The following UBE2Q2 variants were observed in gnomAD, a reference collection of about 807,000 sequenced individuals.
The protein encoded by UBE2Q2 is ubiquitin-conjugating enzyme E2 Q2.
In UBE2Q2, 54 loss-of-function variants were observed where a neutral mutation model predicts 59.9. The ratio of observed to expected loss-of-function variants is 0.90; its 90% confidence interval spans 0.72 to 1.13. The LOEUF (loss-of-function observed/expected upper bound fraction) is 1.13. Ranked by LOEUF, UBE2Q2 falls within the 50% of genes most tolerant of loss-of-function variation. The probability of loss-of-function intolerance (pLI) is 0.00; values close to 1 mark genes in which losing one functional copy is unlikely to be tolerated. For synonymous variants in UBE2Q2, 165 were observed against 155.2 expected, an observed-to-expected ratio of 1.06 and a Z score of -0.47; for missense variants, 433 against 441.9, an observed-to-expected ratio of 0.98 and a Z score of 0.18.
chr15:75,868,808 A>G, intron 3 of UBE2Q2, 143 bp from the exon 4 acceptor site: 1 of 588,638 alleles, frequency 1.7e-6, no homozygotes, highest in Non-Finnish European at 3.0e-6. Flanking sequence ...GGATTTAAAG[A>G]TAAACATTTT....
intron 8 of UBE2Q2, 27 bp downstream of exon 8, chr15:75,879,215 A>G (rs1898259166): frequency 2.2e-6 from 3 of 1,362,580 alleles, no homozygotes; most frequent in South Asian, 1.3e-5. Context: ...AGGACCCCAT[A>G]TACTTCCAGT....
In UBE2Q2 at chr15:75,843,673, G is replaced by A. The variant is rs567264121; in HGVS notation, c.7G>A (p.Val3Met). The change falls in exon 1 of 13, where the codon GTG (valine) becomes ATG (methionine). Residue 3 changes from valine (V) to methionine (M), a missense_variant. Coordinates refer to ENST00000267938, the MANE Select transcript of UBE2Q2 (RefSeq NM_173469.4). Reference protein sequence around the residue: MSVSGLKAELKFL... With the variant: MSMSGLKAELKFL... ...CGCCGGAGATGAGGGGAAGATGTCC[G>A]TGTCAGGGCTCAAGGCCGAGCTGAA... 29 of 1,601,994 alleles carry A rather than the reference G, an allele frequency of 1.8e-5. No homozygotes were observed. The highest frequency in any genetic ancestry group is 2.3e-5 in the East Asian group (1 of 42,962).
chr15:75,854,855 C>T (rs1273189971), intron 2 of UBE2Q2, among the ~76,000 whole-genome samples: 1 of 151,954 alleles, frequency 6.6e-6, no homozygotes, highest in Admixed American at 6.6e-5. Context: ...GAGGGAATTG[C>T]CTTTTCTTTC....
intron 11 of UBE2Q2, among the ~76,000 whole-genome samples, chr15:75,891,350 A>G (rs1899094934): frequency 1.3e-5 from 2 of 152,148 alleles, no homozygotes; most frequent in South Asian, 4.1e-4. Context: ...AGTAAATTAA[A>G]AATTATATGT....
intron 9 of UBE2Q2, among the ~76,000 whole-genome samples, chr15:75,885,266 C>T (rs912639571): frequency 4.0e-5 from 6 of 151,876 alleles, no homozygotes; most frequent in Middle Eastern, 3.2e-3. Context: ...TACAGGCGTG[C>T]GCCACCATGT....
intron 2 of UBE2Q2, among the ~76,000 whole-genome samples, chr15:75,855,941 A>G (rs1318603509): frequency 1.3e-5 from 2 of 152,128 alleles, no homozygotes; most frequent in Admixed American, 1.3e-4. Context: ...TAATTCCAGA[A>G]CTTTGGGATG....
chr15:75,875,837 A>G (rs886662069), intron 5 of UBE2Q2, among the ~76,000 whole-genome samples: 5 of 152,000 alleles, frequency 3.3e-5, no homozygotes, highest in Non-Finnish European at 4.4e-5. Flanking sequence ...CGAGGCAGGC[A>G]GACCACGAGG....
intron 9 of UBE2Q2, among the ~76,000 whole-genome samples, chr15:75,889,387 G>A (rs1898967108): frequency 6.6e-6 from 1 of 152,100 alleles, no homozygotes; most frequent in African/African-American, 2.4e-5. Context: ...ATTAAATATT[G>A]TCACTGTAAC....
At chr15:75,870,629 G>C (rs1428297380) in intron 4 of UBE2Q2, among the ~76,000 whole-genome samples, 1 of 152,176 alleles carries the variant, frequency 6.6e-6, no homozygotes, top group African/African-American at 2.4e-5. Flanking sequence ...GGACTTTGGA[G>C]ATGTCAGATT....
intron 11 of UBE2Q2, among the ~76,000 whole-genome samples, chr15:75,893,611 C>T (rs1295642655): frequency 6.6e-6 from 1 of 151,906 alleles, no homozygotes; most frequent in Non-Finnish European, 1.5e-5. Context: ...ACCTCTGTAC[C>T]CAATAATTAG....
chr15:75,875,012 A>G (rs1303866800), intron 5 of UBE2Q2, among the ~76,000 whole-genome samples: 1 of 152,226 alleles, frequency 6.6e-6, no homozygotes, highest in Non-Finnish European at 1.5e-5. Flanking sequence ...AAAGAAATTT[A>G]GTCAAGCCCC....
intron 9 of UBE2Q2, among the ~76,000 whole-genome samples, chr15:75,890,040 T>C (rs758000174): frequency 5.9e-5 from 9 of 152,176 alleles, no homozygotes; most frequent in Non-Finnish European, 1.2e-4. Context: ...TCAGTGTCAT[T>C]GTCAGGGGAA....
chr15:75,879,746 G>C (rs1194809166), intron 8 of UBE2Q2, among the ~76,000 whole-genome samples: 1 of 151,468 alleles, frequency 6.6e-6, no homozygotes, highest in Non-Finnish European at 1.5e-5. Context: ...CATGGAGCAG[G>C]GGGGTAAAAC....
At chr15:75,873,761 T>G (rs569337546) in intron 5 of UBE2Q2, among the ~76,000 whole-genome samples, 193 bp downstream of exon 5, 19 of 152,316 alleles carry the variant, frequency 1.2e-4, no homozygotes, top group African/African-American at 4.6e-4. Flanking sequence ...GGCACAATCA[T>G]AGTTCAGTGT....
chr15:75,871,567 G>A lies in UBE2Q2; in HGVS notation c.448-1861G>A, dbSNP rs1004306253. Among the ~76,000 whole-genome samples, 10 of 152,316 alleles carry A rather than the reference G, an allele frequency of 6.6e-5. No individual in the cohort carries two copies. The East Asian group carries it at 1.5e-3, about 24-fold the overall frequency. ...CCTGGGTACTTGAGATTAGGAAGTG[G>A]TGATGACTCTTAAGGAGCATGCTGC... On this transcript the variant is annotated intron_variant, in intron 4 of 12. Transcript: ENST00000267938.
At chr15:75,890,583 A>G in intron 10 of UBE2Q2, 100 bp downstream of exon 10, 1 of 1,028,346 alleles carries the variant, frequency 9.7e-7, no homozygotes. Context: ...TCCTACTCTT[A>G]AATTTTAGTT....
At chr15:75,858,722 G>GT (rs1178238741) in intron 2 of UBE2Q2, among the ~76,000 whole-genome samples, 2 of 152,212 alleles carry the variant, frequency 1.3e-5, no homozygotes, top group Non-Finnish European at 2.9e-5. Context: ...AGAGGCCAGA[G>GT]TGTCTAGGTC....
chr15:75,873,573 G>C lies in UBE2Q2; in HGVS notation c.588+5G>C, dbSNP rs1385044627. 5 of 1,609,314 alleles carry C rather than the reference G, an allele frequency of 3.1e-6. No individual in the cohort carries two copies. Among genetic ancestry groups the C allele is most frequent in the Non-Finnish European group, 4.2e-6 (5 of 1,178,526 alleles). ...CAAAGGCAAGACCATTTAAATGTAA[G>C]TGTGTGTAGATATCTAGAACCTGGA... On this transcript the variant is annotated splice_donor_5th_base_variant and intron_variant, in intron 5 of 12. Coordinates refer to ENST00000267938, the MANE Select transcript of UBE2Q2 (RefSeq NM_173469.4).
chr15:75,888,621 G>T (rs1238754859), intron 9 of UBE2Q2, among the ~76,000 whole-genome samples: 1 of 152,170 alleles, frequency 6.6e-6, no homozygotes, highest in Non-Finnish European at 1.5e-5. Flanking sequence ...TGGAACACTT[G>T]TTGACAAAAT....
Sources: allele counts gnomAD v4.1 joint callset (sites outside exome capture counted in the v4.1 genomes callset), GRCh38; gene constraint gnomAD v4.1.1; transcripts MANE v1.5; gene names NCBI Gene and HGNC (gene_info 2026-07-23, HGNC 2026-07-21).